TTLL11: variants seen among roughly 807,000 people sequenced by gnomAD.
TTLL11 encodes the protein tubulin polyglutamylase TTLL11.
A neutral mutation model predicts 51.7 loss-of-function variants in TTLL11; 42 were observed. The ratio of observed to expected loss-of-function variants is 0.81; its 90% CI spans 0.64 to 1.05. The LOEUF (loss-of-function observed/expected upper bound fraction) is 1.05. Ranked by LOEUF, TTLL11 falls within the 50% of genes least tolerant of loss-of-function variation. The probability of loss-of-function intolerance (pLI) is 0.00; values close to 1 mark genes in which losing one functional copy is unlikely to be tolerated. For missense variants in TTLL11, 799 were observed against 940.4 expected, an observed-to-expected ratio of 0.85 and a Z score of 1.97; for synonymous variants, 381 against 383.5, an observed-to-expected ratio of 0.99 and a Z score of 0.08.
intron 6 of TTLL11, among the ~76,000 whole-genome samples, chr9:121,968,453 A>G (rs1210013858): frequency 1.3e-5 from 2 of 152,252 alleles, no homozygotes; most frequent in Admixed American, 6.5e-5. Context: ...CATTTTTAGG[A>G]TACATCATTG....
At chr9:122,007,003 A>AAC (rs1554781318) in intron 3 of TTLL11, among the ~76,000 whole-genome samples, 4 of 149,398 alleles carry the variant, frequency 2.7e-5, no homozygotes, top group African/African-American at 1.0e-4. Context: ...AAAAAAAAAA[A>AAC]AAAAAACTTT....
At chr9:121,840,917 G>A (rs889330970) in intron 8 of TTLL11, among the ~76,000 whole-genome samples, 1 of 152,244 alleles carries the variant, frequency 6.6e-6, no homozygotes, top group East Asian at 1.9e-4. Context: ...GCACTGGCAC[G>A]AGGCACTTGG....
chr9:122,014,982 T>C (rs1415472740), intron 3 of TTLL11, among the ~76,000 whole-genome samples: 4 of 152,180 alleles, frequency 2.6e-5, no homozygotes, highest in Non-Finnish European at 5.9e-5. Context: ...CACATAAGAA[T>C]ATCTGAGTAC....
intron 1 of TTLL11, among the ~76,000 whole-genome samples, chr9:122,077,533 A>G (rs1390315257): frequency 1.3e-5 from 2 of 152,158 alleles, no homozygotes; most frequent in Non-Finnish European, 2.9e-5. Context: ...AAAAAAATCA[A>G]TTAAAAAAGA....
chr9:122,004,413 G>A (rs1022433458), intron 3 of TTLL11, among the ~76,000 whole-genome samples: 1 of 151,590 alleles, frequency 6.6e-6, no homozygotes, highest in East Asian at 1.9e-4. Context: ...GCAATGGTGC[G>A]ATCTCTGTTC....
In TTLL11 at chr9:121,910,967, A is replaced by T. The variant is rs779159119; in HGVS notation, c.1482-40219T>A. ...TAGAGATTTTTTTAATGTGGGGGAAACTGGTTTTTCAACATTGGTAAAGGT... is the reference window on the plus strand; with the variant it reads ...TAGAGATTTTTTTAATGTGGGGGAATCTGGTTTTTCAACATTGGTAAAGGT... On this transcript the variant is annotated intron_variant, in intron 6 of 8. Coordinates refer to ENST00000321582, the MANE Select transcript of TTLL11 (RefSeq NM_001139442.2). 2.8e-4 allele frequency among the ~76,000 whole-genome samples: 43 copies of T among 152,290 alleles called. No homozygotes were observed. In the Middle Eastern group the frequency reaches 0.014, roughly 48 times the overall value.
At chr9:122,090,244 AAACTGAGGCCTCAAGGGTTT>A (rs1168510654) in intron 1 of TTLL11, among the ~76,000 whole-genome samples, 5 of 152,166 alleles carry the variant, frequency 3.3e-5, no homozygotes, top group African/African-American at 1.2e-4. Flanking sequence ...ACAGATAAGC[AAACTGAGGCCTCAAGGGTTT>A]AACTGACTTG....
chr9:121,867,008 TAG>T (rs1446289964), intron 7 of TTLL11, among the ~76,000 whole-genome samples: 1 of 152,210 alleles, frequency 6.6e-6, no homozygotes, highest in Non-Finnish European at 1.5e-5. Context: ...GCCTATCACA[TAG>T]AGACAGATTT....
Position 121,821,276 on chromosome 9 carries a change from C to G in TTLL11, c.*1311G>C, listed in dbSNP as rs74840871. Among the ~76,000 whole-genome samples the G allele has an allele frequency of 1.3e-5, 2 of 152,038 alleles. No homozygotes were observed. Among genetic ancestry groups the G allele is most frequent in the Non-Finnish European group, 2.9e-5 (2 of 68,004 alleles). ...GCTGCAGGAGCTTATTTGGGATGCA[C>G]CTCTGCCTCCCAGAACCCTCCCTTG... On this transcript the variant is annotated 3_prime_UTR_variant, in exon 9 of 9. Coordinates refer to ENST00000321582, the MANE Select transcript of TTLL11 (RefSeq NM_001139442.2). The surrounding 1 kb of genome is among the most constrained non-coding windows in gnomAD (Gnocchi z 5.0).
At chr9:121,894,693 A>C (rs1008185205) in intron 6 of TTLL11, among the ~76,000 whole-genome samples, 2 of 152,180 alleles carry the variant, frequency 1.3e-5, no homozygotes, top group Non-Finnish European at 2.9e-5. Context: ...GTGGGAGTTG[A>C]AACAATGAGA....
chr9:122,036,790 T>C (rs1844715915), intron 2 of TTLL11, among the ~76,000 whole-genome samples: 1 of 152,148 alleles, frequency 6.6e-6, no homozygotes. Flanking sequence ...GGACACAAAC[T>C]GGTATCAGAG....
chr9:121,895,105 A>G (rs1839406537), intron 6 of TTLL11, among the ~76,000 whole-genome samples: 1 of 152,196 alleles, frequency 6.6e-6, no homozygotes, highest in Non-Finnish European at 1.5e-5. Context: ...ATAAAGATAT[A>G]TCTTTATCTT....
At chr9:121,986,124 A>T (rs28532225) in intron 4 of TTLL11, among the ~76,000 whole-genome samples, 2 of 152,192 alleles carry the variant, frequency 1.3e-5, no homozygotes, top group African/African-American at 4.8e-5. Context: ...AAGCAGTGGG[A>T]AACAGTCCCA....
chr9:121,948,005 C>G (rs753465512), intron 6 of TTLL11, among the ~76,000 whole-genome samples: 1 of 152,210 alleles, frequency 6.6e-6, no homozygotes, highest in Non-Finnish European at 1.5e-5. Context: ...ACTGTCTACT[C>G]TGCAACTAGG....
At chr9:121,843,574 A>G (rs1837425208) in intron 8 of TTLL11, among the ~76,000 whole-genome samples, 1 of 151,992 alleles carries the variant, frequency 6.6e-6, no homozygotes, top group Non-Finnish European at 1.5e-5. Flanking sequence ...TGCTTCAGAA[A>G]GGGGTGGGGG....
chr9:121,978,144 G>A (rs1391330545), intron 4 of TTLL11, among the ~76,000 whole-genome samples: 2 of 152,212 alleles, frequency 1.3e-5, no homozygotes, highest in Non-Finnish European at 2.9e-5. Context: ...AGTGCTTAAT[G>A]AGAGCCAGCT....
At chr9:121,982,870 G>A (rs1842856643) in intron 4 of TTLL11, among the ~76,000 whole-genome samples, 1 of 152,152 alleles carries the variant, frequency 6.6e-6, no homozygotes, top group African/African-American at 2.4e-5. Flanking sequence ...GATAGACAAG[G>A]GGCAGATGGC....
At chr9:121,895,348 G>A (rs1321220274) in intron 6 of TTLL11, among the ~76,000 whole-genome samples, 1 of 133,194 alleles carries the variant, frequency 7.5e-6, no homozygotes, top group Non-Finnish European at 1.7e-5. Flanking sequence ...TTGTGTGGCT[G>A]TGTGCGTGTG....
At chr9:121,908,837 G>A (rs947862498) in intron 6 of TTLL11, among the ~76,000 whole-genome samples, 1 of 152,122 alleles carries the variant, frequency 6.6e-6, no homozygotes, top group Non-Finnish European at 1.5e-5. Flanking sequence ...GACTTTCTAA[G>A]GTAATTAGGG....
Sources: gnomAD v4.1 joint callset for allele counts (sites outside exome capture counted in the v4.1 genomes callset) on GRCh38, gnomAD v4.1.1 for gene constraint, Gnocchi (gnomAD v3.1) non-coding constraint, MANE v1.5 for transcripts, NCBI Gene and HGNC (gene_info 2026-07-23, HGNC 2026-07-21) for gene names.